Variants in NEK1 observed in about 807,000 individuals in gnomAD.
NEK1 encodes NIMA related kinase 1.
Under a neutral mutation model 182.1 loss-of-function variants are expected in NEK1, and 137 were observed. The observed-to-expected ratio is 0.75, with a 90% CI of 0.65 to 0.87. The LOEUF (loss-of-function observed/expected upper bound fraction) is 0.87. Among genes scored for constraint, NEK1 ranks in the 40% least tolerant of loss-of-function variants. The pLI is 0.00. For missense variants in NEK1, 1,391 were observed against 1,494.4 expected, an observed-to-expected ratio of 0.93 and a Z score of 1.14; for synonymous variants, 513 against 492.2, an observed-to-expected ratio of 1.04 and a Z score of -0.56.
At chr4:169,477,880 G>A (rs1280067465) in intron 24 of NEK1, among the ~76,000 whole-genome samples, 2 of 151,924 alleles carry the variant, frequency 1.3e-5, no homozygotes, top group African/African-American at 4.8e-5. Flanking sequence ...ATTATAACTA[G>A]AAAAAGTTTT....
At chr4:169,507,634 CTA>C (rs1284140319) in intron 22 of NEK1, 79 bp downstream of exon 22, 1 of 950,844 alleles carries the variant, frequency 1.1e-6, no homozygotes, top group Non-Finnish European at 1.6e-6. Context: ...AGTGATATAA[CTA>C]TGCAAAACTT....
At chr4:169,459,941 A>G (rs1043085340) in intron 27 of NEK1, among the ~76,000 whole-genome samples, 1 of 152,204 alleles carries the variant, frequency 6.6e-6, no homozygotes, top group Non-Finnish European at 1.5e-5. Flanking sequence ...TTGTGTAATA[A>G]TAGTGGTTAC....
rs1744350421 is a variant in NEK1 at position 169,463,448 on chromosome 4, G to C, written c.2435-53C>G. The C allele has an allele frequency of 2.0e-5, 26 of 1,315,444 alleles. No homozygotes were observed. In the South Asian group the frequency reaches 4.2e-4, roughly 21 times the overall value. The allele number at this position is 1,315,444 out of a possible 1,614,324, so 81.5% of individuals were successfully genotyped here. On this transcript the variant is annotated intron_variant, in intron 26 of 35. Transcript: ENST00000507142. ...TTTTCAATAACAGTATAATAATACT[G>C]CATGGTAAGGCAGATTTTGAGTCTT...
intron 31 of NEK1, among the ~76,000 whole-genome samples, chr4:169,423,068 T>C (rs1238221816): frequency 6.6e-6 from 1 of 152,182 alleles, no homozygotes; most frequent in East Asian, 1.9e-4. Context: ...AATGAAAGTA[T>C]ACCCAGTTGG....
rs369024793 is a variant in NEK1 at position 169,492,289 on chromosome 4, A to C, written c.2008-12755T>G. On this transcript the variant is annotated intron_variant, in intron 23 of 35. Transcript: ENST00000507142. The stretch of plus-strand genomic sequence containing the variant: ...CAGAAGGAAGATCAAAATTACTGGT[A>C]AATCATCAAGTTTTGACAAGGAAAC... Among the ~76,000 whole-genome samples, 3 of 152,316 alleles carry C rather than the reference A, an allele frequency of 2.0e-5. 1 individual carries two copies. The South Asian group carries it at 6.2e-4, about 32-fold the overall frequency.
chr4:169,596,792 T>C (rs1184849464), intron 5 of NEK1, among the ~76,000 whole-genome samples: 1 of 152,218 alleles, frequency 6.6e-6, no homozygotes. Context: ...CCTCTTCCTA[T>C]TTTAAATAGG....
At chr4:169,593,144 C>CAA (rs70964212) in intron 5 of NEK1, among the ~76,000 whole-genome samples, 1 of 131,052 alleles carries the variant, frequency 7.6e-6, no homozygotes. Flanking sequence ...CAGGAACTAG[C>CAA]AAAAAAAAAA....
chr4:169,419,900 T>C (rs146984583), intron 31 of NEK1, among the ~76,000 whole-genome samples: 107 of 152,292 alleles, frequency 7.0e-4, no homozygotes, highest in African/African-American at 1.5e-3. Flanking sequence ...TTAAAAATGG[T>C]GCACCTGTAT....
intron 7 of NEK1, 57 bp from the exon 8 acceptor site, chr4:169,588,792 A>T: frequency 8.8e-7 from 1 of 1,133,192 alleles, no homozygotes; most frequent in Non-Finnish European, 1.3e-6. Context: ...TGCCACATTA[A>T]TGTTGTTTTT....
intron 9 of NEK1, among the ~76,000 whole-genome samples, chr4:169,586,601 A>G (rs1177509982): frequency 6.6e-6 from 1 of 152,064 alleles, no homozygotes; most frequent in Admixed American, 6.5e-5. Context: ...CCCACAAACC[A>G]ATGGTTTAAA....
chr4:169,555,886 A>G (rs774277264), intron 17 of NEK1, 35 bp from the exon 18 acceptor site: 2 of 1,613,598 alleles, frequency 1.2e-6, no homozygotes, highest in Non-Finnish European at 1.7e-6. Flanking sequence ...TTTCATTACT[A>G]TCTCAGAAGC....
chr4:169,401,662 T>G lies in NEK1; in HGVS notation c.3573A>C (p.Glu1191Asp). 1 of 1,613,716 alleles carries G rather than the reference T, an allele frequency of 6.2e-7. No individual in the cohort carries two copies. Among genetic ancestry groups the G allele is most frequent in the Non-Finnish European group, 8.5e-7 (1 of 1,179,704 alleles). The change falls in exon 33 of 36, where the codon GAA becomes GAC. Residue 1191 changes from glutamate to aspartate, a missense_variant. Glu to Asp is a conservative substitution (Grantham distance 45). This residue lies in a region of NEK1 where 1,216 missense variants were observed against 1,277.6 expected (regional missense o/e 0.95). Transcript: ENST00000507142. ...ACTCTGATCATGCACCTGAGTGCCA[T>G]TCTTCGTTCAGGGCACTTTCACTGC... ...NPSSESALNEEWHSDNSDGEI... is the reference protein window; with the variant it reads ...NPSSESALNEDWHSDNSDGEI...
intron 27 of NEK1, among the ~76,000 whole-genome samples, chr4:169,455,175 T>TG (rs1424847935): frequency 2.0e-5 from 3 of 152,176 alleles, no homozygotes; most frequent in African/African-American, 7.2e-5. Flanking sequence ...TGGGGCATGT[T>TG]GGGGGGTTGG....
chr4:169,430,886 G>C (rs930049639), intron 29 of NEK1, among the ~76,000 whole-genome samples: 1 of 151,644 alleles, frequency 6.6e-6, no homozygotes, highest in Non-Finnish European at 1.5e-5. Flanking sequence ...TATCTAATAA[G>C]TCTATAATTT....
chr4:169,409,490 T>A (rs903447258), intron 31 of NEK1, among the ~76,000 whole-genome samples: 4 of 148,094 alleles, frequency 2.7e-5, no homozygotes, highest in African/African-American at 9.8e-5. Context: ...CTTGGCCGGG[T>A]GCAGTGGCTC....
chr4:169,455,371 C>A (rs1742667065), intron 27 of NEK1, among the ~76,000 whole-genome samples: 1 of 147,842 alleles, frequency 6.8e-6, no homozygotes, highest in Non-Finnish European at 1.5e-5. Flanking sequence ...CTACAAGAAA[C>A]AGACTTCACC....
intron 12 of NEK1, chr4:169,576,454 A>G (rs1016750718): frequency 6.5e-6 from 1 of 154,664 alleles, no homozygotes; most frequent in African/African-American, 2.4e-5. Context: ...TCCTGCAACT[A>G]TCACTGTGTT....
intron 18 of NEK1, among the ~76,000 whole-genome samples, chr4:169,552,129 A>T (rs1302059211): frequency 6.6e-6 from 1 of 152,158 alleles, no homozygotes; most frequent in Non-Finnish European, 1.5e-5. Context: ...TACAGTGTGT[A>T]TGTAAATCTA....
chr4:169,497,158 T>A (rs1302035677), intron 23 of NEK1, among the ~76,000 whole-genome samples: 1 of 152,244 alleles, frequency 6.6e-6, no homozygotes, highest in Admixed American at 6.5e-5. Flanking sequence ...GAGGAATTTA[T>A]CCATTTCTTC....
Sources: gnomAD v4.1 joint callset for allele counts (sites outside exome capture counted in the v4.1 genomes callset) on GRCh38, gnomAD v4.1.1 for gene constraint, gnomAD v4.1.1 regional missense constraint, MANE v1.5 for transcripts, NCBI Gene and HGNC (gene_info 2026-07-23, HGNC 2026-07-21) for gene names.